Variants in PLOD2 observed in about 807,000 individuals in gnomAD.
PLOD2 encodes the protein procollagen-lysine,2-oxoglutarate 5-dioxygenase 2.
In PLOD2, 65 loss-of-function variants were observed where a neutral mutation model predicts 101.0. That is an observed-to-expected ratio of 0.64 (90% CI 0.53 to 0.79). The LOEUF is 0.79. PLOD2 is among the 30% of genes least tolerant of loss of function. PLOD2 has a pLI of 0.00. For synonymous variants in PLOD2, 314 were observed against 302.9 expected (o/e 1.04, Z -0.38); for missense variants, 909 against 914.6 (o/e 0.99, Z 0.08).
rs1936090831 is a variant in PLOD2 at position 146,070,613 on chromosome 3, T to C, written c.*104A>G. 1 of 727,946 alleles carries C rather than the reference T, an allele frequency of 1.4e-6. No individual in the cohort carries two copies. Among genetic ancestry groups the C allele is most frequent in the Non-Finnish European group, 2.3e-6 (1 of 431,682 alleles). The allele number at this position is 727,946 out of a possible 1,614,324, so 45.1% of individuals were successfully genotyped here. ...GCCCAAAGTGAAGTTGTTCTGTTGA[T>C]GTTATTTAAATATTCCTCTCATCTT... On this transcript the variant is annotated 3_prime_UTR_variant, in exon 20 of 20. Transcript: ENST00000282903.
At chr3:146,102,900 TGTGTGTCTGTATTC>T (rs1164809088) in intron 6 of PLOD2, 48 bp from the exon 7 acceptor site, 17 of 926,176 alleles carry the variant, frequency 1.8e-5, no homozygotes, top group Middle Eastern at 2.1e-4. Flanking sequence ...AATACGTGTG[TGTGTGTCTGTATTC>T]GTGTGTCTGT....
rs759433753 is a variant in PLOD2 at position 146,110,438 on chromosome 3, T to C, written c.349A>G (p.Ile117Val). Reference protein sequence around the residue: ...VVMFTECFDVIFAGGPEEVLK... With the variant: ...VVMFTECFDVVFAGGPEEVLK... ...ACTTCTTCTGGACCACCAGCAAATATGACATCAAAGCTGTTCAATGAGGAA... is the reference window on the plus strand; with the variant it reads ...ACTTCTTCTGGACCACCAGCAAATACGACATCAAAGCTGTTCAATGAGGAA... The change falls in exon 4 of 20, where the codon ATA becomes GTA. Residue 117 changes from isoleucine (I) to valine (V), a missense_variant. Physicochemically the swap from Ile to Val is conservative, Grantham distance 29 (BLOSUM62 3). Coordinates refer to ENST00000282903, the MANE Select transcript of PLOD2 (RefSeq NM_182943.3). 1.9e-6 allele frequency: 3 copies of C among 1,611,728 alleles called. No homozygotes were observed. The highest frequency in any genetic ancestry group is 2.2e-5 in the East Asian group (1 of 44,738).
intron 1 of PLOD2, among the ~76,000 whole-genome samples, chr3:146,131,470 G>A: frequency 6.6e-6 from 1 of 152,172 alleles, no homozygotes; most frequent in Non-Finnish European, 1.5e-5. Context: ...CAGAGGCGAA[G>A]CTAGAGAGAT....
intron 1 of PLOD2, among the ~76,000 whole-genome samples, chr3:146,133,906 T>C (rs1278717807): frequency 6.6e-6 from 1 of 152,128 alleles, no homozygotes; most frequent in Non-Finnish European, 1.5e-5. Context: ...GAAGTGATGA[T>C]TACACTGTAA....
intron 5 of PLOD2, among the ~76,000 whole-genome samples, chr3:146,106,175 G>A (rs1937531847): frequency 6.6e-6 from 1 of 152,180 alleles, no homozygotes; most frequent in Non-Finnish European, 1.5e-5. Context: ...GGCCATGACA[G>A]TGGTGTGAGG....
chr3:146,106,647 G>C lies in PLOD2; in HGVS notation c.503-3C>G. 7.3e-7 allele frequency: 1 copy of C among 1,367,762 alleles called. No homozygotes were observed. Among genetic ancestry groups the C allele is most frequent in the Non-Finnish European group, 1.0e-6 (1 of 955,664 alleles). The allele number at this position is 1,367,762 out of a possible 1,614,324, so 84.7% of individuals were successfully genotyped here. On this transcript the variant is annotated splice_polypyrimidine_tract_variant and splice_region_variant and intron_variant, in intron 4 of 19. Transcript: ENST00000282903. The stretch of plus-strand genomic sequence containing the variant: ...ATATGGAGCATAGCCAATAAATCCT[G>C]CAACACAGCAGAGAGAAAGTAGATA...
chr3:146,077,986 G>T, intron 13 of PLOD2, 62 bp from the exon 14 acceptor site: 1 of 919,228 alleles, frequency 1.1e-6, no homozygotes, highest in Non-Finnish European at 1.8e-6. Flanking sequence ...GGTATTCTTT[G>T]GTAAATAAAA....
intron 1 of PLOD2, among the ~76,000 whole-genome samples, chr3:146,155,714 C>CAAAAAA (rs766107067): frequency 1.9e-5 from 1 of 54,048 alleles, no homozygotes; most frequent in Non-Finnish European, 3.8e-5. Flanking sequence ...GACTCTGTCT[C>CAAAAAA]AAAAAAAAAA....
intron 6 of PLOD2, 79 bp from the exon 7 acceptor site, chr3:146,102,931 ATGTG>A (rs1937442158): frequency 5.3e-6 from 4 of 749,152 alleles, no homozygotes; most frequent in East Asian, 2.6e-5. Flanking sequence ...CTGTGTGTGT[ATGTG>A]TGTGTATCAT....
At chr3:146,111,825 A>C (rs1484287639) in intron 3 of PLOD2, among the ~76,000 whole-genome samples, 1 of 148,972 alleles carries the variant, frequency 6.7e-6, no homozygotes, top group East Asian at 2.0e-4. Context: ...TATTTTCCTC[A>C]AGACTATAAG....
rs376688048 is a variant in PLOD2, at chr3:146,093,296, A to G, written c.778-1395T>C. 1.8e-4 allele frequency among the ~76,000 whole-genome samples: 28 copies of G among 152,238 alleles called. No individual in the cohort carries two copies. In the East Asian group the frequency reaches 2.9e-3, roughly 16 times the overall value. On this transcript the variant is annotated intron_variant, in intron 7 of 19. Transcript: ENST00000282903. ...AGATATAGCTACATTTAATCTCTACAGCAAAATTAGAAGACATGGACAAGT... is the reference window on the plus strand; with the variant it reads ...AGATATAGCTACATTTAATCTCTACGGCAAAATTAGAAGACATGGACAAGT...
intron 15 of PLOD2, 108 bp downstream of exon 15, chr3:146,076,674 C>T (rs1465776551): frequency 4.9e-5 from 32 of 657,552 alleles, no homozygotes; most frequent in Non-Finnish European, 8.5e-5. Flanking sequence ...TGCATTTCAC[C>T]TTATGTCATT....
chr3:146,106,788 G>A (rs535642206), intron 4 of PLOD2, 144 bp from the exon 5 acceptor site: 34 of 680,048 alleles, frequency 5.0e-5, no homozygotes, highest in African/African-American at 3.7e-4. Flanking sequence ...CACCATGAAA[G>A]AAATATGAAT....
In PLOD2 at chr3:146,069,645, A is replaced by G. The variant is rs1010184214; in HGVS notation, c.*1072T>C. On this transcript the variant is annotated 3_prime_UTR_variant, in exon 20 of 20. Coordinates refer to ENST00000282903, the MANE Select transcript of PLOD2 (RefSeq NM_182943.3). Reference sequence around the variant, plus strand: ...GTTGGAGAATTTTTTTATAAGCGGGATAGAGGGAAGTTAACATAGACACTC... The same window carrying G: ...GTTGGAGAATTTTTTTATAAGCGGGGTAGAGGGAAGTTAACATAGACACTC... The G allele has an allele frequency of 6.6e-6, 1 of 152,070 alleles. No homozygotes were observed. The highest frequency in any genetic ancestry group is 2.4e-5 in the African/African-American group (1 of 41,364). 9.4% of individuals were successfully genotyped at this position (152,070 alleles called of 1,614,324 possible).
chr3:146,154,337 A>G (rs2032201539), intron 1 of PLOD2, among the ~76,000 whole-genome samples: 1 of 152,162 alleles, frequency 6.6e-6, no homozygotes, highest in Non-Finnish European at 1.5e-5. Context: ...TCTTCAACCA[A>G]AAAAGGAAAG....
At chr3:146,071,454 G>A (rs779398784) in intron 17 of PLOD2, 31 bp from the exon 18 acceptor site, 2 of 1,600,960 alleles carry the variant, frequency 1.2e-6, no homozygotes, top group African/African-American at 2.7e-5. Flanking sequence ...ATAATAAGCT[G>A]TACTCCACGT....
intron 3 of PLOD2, among the ~76,000 whole-genome samples, chr3:146,119,517 G>T (rs1200183568): frequency 6.6e-6 from 1 of 151,836 alleles, no homozygotes; most frequent in African/African-American, 2.4e-5. Flanking sequence ...ATGTATACAT[G>T]TGCCATGTTG....
intron 8 of PLOD2, 88 bp from the exon 9 acceptor site, chr3:146,088,799 A>G (rs1936875961): frequency 9.1e-7 from 1 of 1,096,088 alleles, no homozygotes; most frequent in South Asian, 1.3e-5. Flanking sequence ...GCATGACATA[A>G]AAAATACTAG....
chr3:146,142,055 T>G (rs141133805), intron 1 of PLOD2, among the ~76,000 whole-genome samples: 6 of 152,172 alleles, frequency 3.9e-5, no homozygotes, highest in African/African-American at 1.2e-4. Context: ...ATTTACTGTA[T>G]CTAACCATAC....
Sources: allele counts gnomAD v4.1 joint callset (sites outside exome capture counted in the v4.1 genomes callset), GRCh38; gene constraint gnomAD v4.1.1; transcripts MANE v1.5; gene names NCBI Gene and HGNC (gene_info 2026-07-23, HGNC 2026-07-21).